The following THSD7A variants were observed in gnomAD, a reference collection of about 807,000 sequenced individuals.
THSD7A encodes the protein thrombospondin type-1 domain-containing protein 7A.
Under a neutral mutation model 231.3 loss-of-function variants are expected in THSD7A, and 96 were observed. The observed-to-expected ratio is 0.41, with a 90% CI of 0.35 to 0.49. The LOEUF (loss-of-function observed/expected upper bound fraction) is 0.49. THSD7A is among the 20% of genes least tolerant of loss of function. THSD7A has a pLI of 0.05. For missense variants in THSD7A, 2,290 were observed against 2,070.2 expected (o/e 1.11, Z -2.06); for synonymous variants, 940 against 743.3 (o/e 1.26, Z -4.30).
At chr7:11,753,243 A>G (rs1230122460) in intron 1 of THSD7A, among the ~76,000 whole-genome samples, 1 of 152,028 alleles carries the variant, frequency 6.6e-6, no homozygotes, top group Non-Finnish European at 1.5e-5. Context: ...TTTTCCACTG[A>G]ATGTGATGAT....
chr7:11,650,779 C>T (rs1404627719), intron 1 of THSD7A, among the ~76,000 whole-genome samples: 1 of 151,980 alleles, frequency 6.6e-6, no homozygotes, highest in Non-Finnish European at 1.5e-5. Context: ...GAAGTAGCAT[C>T]ACACAATGAG....
chr7:11,760,612 C>T (rs905834023), intron 1 of THSD7A, among the ~76,000 whole-genome samples: 2 of 152,052 alleles, frequency 1.3e-5, no homozygotes, highest in Admixed American at 1.3e-4. Flanking sequence ...AATATAGCCT[C>T]TAGGCTCACA....
intron 16 of THSD7A, among the ~76,000 whole-genome samples, chr7:11,421,113 G>T (rs1784128676): frequency 6.6e-6 from 1 of 152,172 alleles, no homozygotes. Flanking sequence ...TTGGGAGACT[G>T]TTGGGAAGGT....
chr7:11,673,183 G>A (rs1317548948), intron 1 of THSD7A, among the ~76,000 whole-genome samples: 1 of 152,078 alleles, frequency 6.6e-6, no homozygotes, highest in African/African-American at 2.4e-5. Flanking sequence ...ACTGGCCCCT[G>A]CACCCAGATT....
intron 6 of THSD7A, among the ~76,000 whole-genome samples, chr7:11,537,044 T>TAA (rs145460176): frequency 4.6e-5 from 7 of 152,088 alleles, no homozygotes; most frequent in Non-Finnish European, 2.9e-5. Flanking sequence ...TCTCCAGTGG[T>TAA]ATAAATTTTC....
intron 2 of THSD7A, among the ~76,000 whole-genome samples, chr7:11,622,256 A>G (rs1343585723): frequency 2.0e-5 from 3 of 152,044 alleles, no homozygotes; most frequent in Non-Finnish European, 2.9e-5. Flanking sequence ...ATATAACCCC[A>G]TCTTTTTTGA....
intron 6 of THSD7A, 137 bp downstream of exon 6, chr7:11,541,282 G>C: frequency 1.2e-6 from 1 of 812,992 alleles, no homozygotes; most frequent in African/African-American, 1.7e-5. Context: ...AGAGAGGGAG[G>C]GAGAGAGAAG....
intron 4 of THSD7A, among the ~76,000 whole-genome samples, chr7:11,566,048 A>G (rs1393757905): frequency 1.4e-5 from 1 of 73,070 alleles, no homozygotes; most frequent in East Asian, 3.3e-4. Context: ...AAGGCTCCTT[A>G]AAAAAATAGC....
chr7:11,509,222 T>C (rs1787687550), intron 6 of THSD7A, among the ~76,000 whole-genome samples: 1 of 152,214 alleles, frequency 6.6e-6, no homozygotes, highest in African/African-American at 2.4e-5. Context: ...AAAACAGTTT[T>C]CTTTGGGGCT....
In THSD7A at chr7:11,645,814, T is replaced by C. The variant is rs1782257830; in HGVS notation, c.191-8853A>G. Among the ~76,000 whole-genome samples the C allele has an allele frequency of 2.6e-5, 4 of 151,902 alleles. No individual in the cohort carries two copies. The South Asian group carries it at 8.3e-4, about 32-fold the overall frequency. ...TATAAAAAATAAACAAGATTAATTT[T>C]GTTACTCTGTCCAGTAGTTCAATCT... is the stretch of plus-strand genomic sequence containing the variant. On this transcript the variant is annotated intron_variant, in intron 1 of 27. Coordinates refer to ENST00000423059, the MANE Select transcript of THSD7A (RefSeq NM_015204.3).
intron 26 of THSD7A, chr7:11,378,617 C>T (rs967517690): frequency 7.8e-5 from 13 of 165,668 alleles, no homozygotes; most frequent in Admixed American, 1.2e-4. Flanking sequence ...CTAGCTACCA[C>T]GTGTGCCCTG....
chr7:11,706,981 G>A (rs1405691081), intron 1 of THSD7A, among the ~76,000 whole-genome samples: 1 of 150,536 alleles, frequency 6.6e-6, no homozygotes, highest in Non-Finnish European at 1.5e-5. Flanking sequence ...TTAAAAACAT[G>A]AACTGAAGAG....
chr7:11,528,329 G>A (rs924164346), intron 6 of THSD7A, among the ~76,000 whole-genome samples: 2 of 152,050 alleles, frequency 1.3e-5, no homozygotes, highest in Non-Finnish European at 2.9e-5. Flanking sequence ...AATTATTTCT[G>A]TACAAGCTCT....
intron 1 of THSD7A, among the ~76,000 whole-genome samples, chr7:11,818,400 A>C (rs543833372): frequency 1.3e-5 from 2 of 152,298 alleles, no homozygotes; most frequent in Non-Finnish European, 2.9e-5. Context: ...ATTCTTACGC[A>C]CACCAACTAT....
intron 1 of THSD7A, among the ~76,000 whole-genome samples, chr7:11,779,705 A>C (rs903293552): frequency 1.3e-5 from 2 of 152,200 alleles, no homozygotes; most frequent in African/African-American, 4.8e-5. Context: ...CTCTGAATGC[A>C]TCATTGTATT....
chr7:11,826,609 T>A (rs544805763), intron 1 of THSD7A, among the ~76,000 whole-genome samples: 1 of 152,182 alleles, frequency 6.6e-6, no homozygotes, highest in South Asian at 2.1e-4. Context: ...GTCAGGAGTT[T>A]GAGACCAGCC....
chr7:11,590,541 C>A lies in THSD7A; in HGVS notation c.1372G>T (p.Gly458Cys). The A allele has an allele frequency of 6.2e-7, 1 of 1,613,792 alleles. No homozygotes were observed. The highest frequency in any genetic ancestry group is 1.1e-5 in the South Asian group (1 of 91,062). The change falls in exon 4 of 28, where the codon GGC becomes TGC. Residue 458 changes from glycine (G) to cysteine (C), a missense_variant. By Grantham distance (159) the Gly-to-Cys change is radical. Transcript: ENST00000423059. The surrounding 1 kb of genome is among the most constrained non-coding windows in gnomAD (Gnocchi z 4.4). ...RGNQTALCGG[G>C]IQTREVYCVQ... Reference sequence around the variant, plus strand: ...CAGTACACCTCTCGGGTCTGGATGCCCCCTCCACAGAGGGCCGTCTGGTTG... The same window carrying A: ...CAGTACACCTCTCGGGTCTGGATGCACCCTCCACAGAGGGCCGTCTGGTTG...
rs1782307899 is a variant in THSD7A at position 11,377,137 on chromosome 7, T to C, written c.4802-480A>G. The C allele has an allele frequency of 6.6e-6, 1 of 152,182 alleles. No individual in the cohort carries two copies. The highest frequency in any genetic ancestry group is 2.1e-4 in the South Asian group (1 of 4,840). 9.4% of individuals were successfully genotyped at this position (152,182 alleles called of 1,614,324 possible). On this transcript the variant is annotated intron_variant, in intron 26 of 27. Coordinates refer to ENST00000423059, the MANE Select transcript of THSD7A (RefSeq NM_015204.3). The surrounding 1 kb of genome is among the most constrained non-coding windows in gnomAD (Gnocchi z 4.5). ...TCCAGGTAAAATGAAAGTGAATATA[T>C]TTAAGATTTTATGGAATTAATAATC...
At chr7:11,599,097 C>T (rs1292532187) in intron 2 of THSD7A, among the ~76,000 whole-genome samples, 1 of 152,000 alleles carries the variant, frequency 6.6e-6, no homozygotes, top group Non-Finnish European at 1.5e-5. Flanking sequence ...ATTGTCACGC[C>T]CTGTGATTAA....
Sources: gnomAD v4.1 joint callset for allele counts (sites outside exome capture counted in the v4.1 genomes callset) on GRCh38, gnomAD v4.1.1 for gene constraint, Gnocchi (gnomAD v3.1) non-coding constraint, MANE v1.5 for transcripts, NCBI Gene and HGNC (gene_info 2026-07-23, HGNC 2026-07-21) for gene names.